The following FSTL5 variants were observed in gnomAD, a reference collection of about 807,000 sequenced individuals.
The protein encoded by FSTL5 is follistatin-related protein 5.
FSTL5 carries 62 observed loss-of-function variants against 89.1 expected under a neutral mutation model. That is an observed-to-expected ratio of 0.70 (90% confidence interval 0.57 to 0.86). The LOEUF is 0.86. FSTL5 is among the 40% of genes least tolerant of loss of function. The pLI is 0.00. For synonymous variants in FSTL5, 383 were observed against 346.2 expected, an observed-to-expected ratio of 1.11 and a Z score of -1.18; for missense variants, 1,057 against 1,001.6, an observed-to-expected ratio of 1.06 and a Z score of -0.75.
intron 11 of FSTL5, among the ~76,000 whole-genome samples, chr4:161,503,172 A>G (rs4263352): frequency 0.79 from 118,765 of 151,126 alleles, 48,028 homozygotes; most frequent in Non-Finnish European, 0.89. Flanking sequence ...GCTGTTGTAA[A>G]ATTTCCATTA....
At position 161,797,681 on chromosome 4, in the gene FSTL5, C is replaced by T. The variant is rs77819503; in HGVS notation, c.410-21607G>A. ...GATTCTGTAGGCTATTTTACAAGTC[C>T]TCTGTTTATTAAAGGATTCACATAT... is the stretch of plus-strand genomic sequence containing the variant. On this transcript the variant is annotated intron_variant, in intron 4 of 15. Transcript: ENST00000306100. Among the ~76,000 whole-genome samples the T allele has an allele frequency of 7.6e-3, 1,146 of 151,518 alleles. 13 individuals carry two copies. The highest frequency in any genetic ancestry group is 0.026 in the African/African-American group (1,074 of 41,456).
At chr4:161,989,866 A>G (rs1736064016) in intron 3 of FSTL5, among the ~76,000 whole-genome samples, 1 of 152,162 alleles carries the variant, frequency 6.6e-6, no homozygotes, top group African/African-American at 2.4e-5. Flanking sequence ...TATGAAATTG[A>G]ATACATGTGT....
chr4:161,436,858 A>C (rs1732576197), intron 15 of FSTL5, among the ~76,000 whole-genome samples: 1 of 152,202 alleles, frequency 6.6e-6, no homozygotes, highest in African/African-American at 2.4e-5. Context: ...TTGCAGGGGA[A>C]AGTTTTCAAA....
At chr4:162,159,085 G>C (rs1034849493) in intron 1 of FSTL5, among the ~76,000 whole-genome samples, 11 of 152,056 alleles carry the variant, frequency 7.2e-5, no homozygotes, top group Non-Finnish European at 1.5e-5. Flanking sequence ...GTAGGCATTT[G>C]TGTTTTCATG....
At chr4:161,656,623 G>GA (rs1736528228) in intron 6 of FSTL5, 129 bp from the exon 7 acceptor site, 1 of 484,122 alleles carries the variant, frequency 2.1e-6, no homozygotes. Context: ...GTGATGAAAT[G>GA]AAAAAAGAGA....
intron 4 of FSTL5, among the ~76,000 whole-genome samples, chr4:161,803,050 G>A (rs187059444): frequency 2.0e-3 from 298 of 151,896 alleles, no homozygotes; most frequent in African/African-American, 7.0e-3. Context: ...TTAATTTGCC[G>A]CTGTGTTAAG....
rs959843094 is a variant in FSTL5 at position 161,530,355 on chromosome 4, A to G, written c.1312+7811T>C. On this transcript the variant is annotated intron_variant, in intron 10 of 15. Coordinates refer to ENST00000306100, the MANE Select transcript of FSTL5 (RefSeq NM_020116.5). Reference sequence around the variant, plus strand: ...AATCTTAGTATTAGCAATTATGCTTATTTCATTTTGATAATAATTATTAAC... The same window carrying G: ...AATCTTAGTATTAGCAATTATGCTTGTTTCATTTTGATAATAATTATTAAC... 2.1e-5 allele frequency among the ~76,000 whole-genome samples: 3 copies of G among 142,136 alleles called. 1 individual carries two copies. Among genetic ancestry groups the G allele is most frequent in the African/African-American group, 5.0e-5 (2 of 39,906 alleles). The allele number at this position is 142,136 out of a possible 152,430, so 93.2% of individuals were successfully genotyped here. A position where few individuals can be genotyped will look rare whatever the true frequency, so the allele number is the denominator to read the frequency against.
chr4:162,076,544 C>T (rs908930818), intron 2 of FSTL5, among the ~76,000 whole-genome samples: 3 of 151,746 alleles, frequency 2.0e-5, no homozygotes, highest in Non-Finnish European at 2.9e-5. Context: ...GAGACAAACC[C>T]ACAATTATTC....
chr4:161,497,325 A>G (rs978245048), intron 12 of FSTL5, among the ~76,000 whole-genome samples: 1 of 152,070 alleles, frequency 6.6e-6, no homozygotes, highest in African/African-American at 2.4e-5. Context: ...CATAAGAAAT[A>G]TCTTTCATGT....
At chr4:161,683,468 ACT>A (rs1050018879) in intron 6 of FSTL5, among the ~76,000 whole-genome samples, 1 of 152,148 alleles carries the variant, frequency 6.6e-6, no homozygotes, top group African/African-American at 2.4e-5. Context: ...GAAATTTATT[ACT>A]GTTTCACATT....
At chr4:162,061,026 T>G (rs1260593645) in intron 2 of FSTL5, among the ~76,000 whole-genome samples, 3 of 152,140 alleles carry the variant, frequency 2.0e-5, no homozygotes, top group African/African-American at 7.2e-5. Context: ...TATTTTAAAA[T>G]AAGGGCAAGT....
intron 2 of FSTL5, among the ~76,000 whole-genome samples, chr4:162,110,113 T>A (rs1393537931): frequency 1.3e-5 from 2 of 152,024 alleles, no homozygotes; most frequent in African/African-American, 2.4e-5. Context: ...TTACAATGAT[T>A]TTGACATTAA....
At chr4:161,796,441 G>A (rs1483076368) in intron 4 of FSTL5, among the ~76,000 whole-genome samples, 1 of 151,750 alleles carries the variant, frequency 6.6e-6, no homozygotes, top group African/African-American at 2.4e-5. Flanking sequence ...GAGAAAACAT[G>A]ATGAATATAT....
At chr4:161,872,651 G>A (rs1399339450) in intron 4 of FSTL5, among the ~76,000 whole-genome samples, 1 of 152,146 alleles carries the variant, frequency 6.6e-6, no homozygotes, top group Non-Finnish European at 1.5e-5. Flanking sequence ...AGTATCAAGA[G>A]TGACAGACGA....
intron 10 of FSTL5, among the ~76,000 whole-genome samples, chr4:161,514,932 G>A (rs1300030832): frequency 6.6e-6 from 1 of 151,926 alleles, no homozygotes; most frequent in African/African-American, 2.4e-5. Flanking sequence ...ATAATATATT[G>A]ATGGTTTACT....
intron 6 of FSTL5, among the ~76,000 whole-genome samples, chr4:161,677,751 A>AAT (rs1737356722): frequency 6.6e-6 from 1 of 151,904 alleles, no homozygotes; most frequent in Non-Finnish European, 1.5e-5. Flanking sequence ...TCAAGTATAT[A>AAT]ATATATTGTT....
chr4:161,489,504 T>C (rs183747086), intron 12 of FSTL5, among the ~76,000 whole-genome samples: 23 of 152,252 alleles, frequency 1.5e-4, no homozygotes, highest in African/African-American at 4.1e-4. Flanking sequence ...GTATGAACAA[T>C]GAGGGTTTAT....
chr4:161,936,053 G>A (rs1734423674), intron 3 of FSTL5, among the ~76,000 whole-genome samples: 1 of 152,080 alleles, frequency 6.6e-6, no homozygotes, highest in South Asian at 2.1e-4. Flanking sequence ...CCTGGATCAT[G>A]CATGTAATCC....
chr4:161,385,990 G>T lies in FSTL5; in HGVS notation c.2301C>A (p.Leu767=). ...YGSSSTQTDV[L]FVELSSGKVK... ...CCTTCCCAGAAGAGAGCTCCACAAAGAGCACATCAGTTTGTGTGCTTGAAC... is the reference window on the plus strand; with the variant it reads ...CCTTCCCAGAAGAGAGCTCCACAAATAGCACATCAGTTTGTGTGCTTGAAC... Residue 767 remains leucine, a synonymous_variant, in exon 16 of 16, where the codon CTC becomes CTA. Coordinates refer to ENST00000306100, the MANE Select transcript of FSTL5 (RefSeq NM_020116.5). The T allele has an allele frequency of 5.0e-6, 8 of 1,613,878 alleles. No homozygotes were observed. The highest frequency in any genetic ancestry group is 6.8e-6 in the Non-Finnish European group (8 of 1,179,870).
Sources: allele counts gnomAD v4.1 joint callset (sites outside exome capture counted in the v4.1 genomes callset), GRCh38; gene constraint gnomAD v4.1.1; transcripts MANE v1.5; gene names NCBI Gene and HGNC (gene_info 2026-07-23, HGNC 2026-07-21).